The following FSTL4 variants were observed in gnomAD, a reference collection of about 807,000 sequenced individuals.
The protein encoded by FSTL4 is follistatin like 4.
In FSTL4, 28 loss-of-function variants were observed where a neutral mutation model predicts 78.2. That is an observed-to-expected ratio of 0.36 (90% CI 0.27 to 0.49). The LOEUF (loss-of-function observed/expected upper bound fraction) is 0.49, where lower values mean the gene tolerates loss of function less well. Ranked by LOEUF, FSTL4 falls within the 20% of genes least tolerant of loss-of-function variation. The pLI is 0.98. For synonymous variants in FSTL4, 422 were observed against 440.5 expected, an observed-to-expected ratio of 0.96 and a Z score of 0.53; for missense variants, 922 against 1,084.9, an observed-to-expected ratio of 0.85 and a Z score of 2.11.
chr5:133,386,556 T>C (rs1034434288), intron 4 of FSTL4, among the ~76,000 whole-genome samples: 1 of 152,240 alleles, frequency 6.6e-6, no homozygotes, highest in Non-Finnish European at 1.5e-5. Flanking sequence ...GTCTTCCTGA[T>C]ACCCACAGTT....
At chr5:133,435,287 A>T (rs1172214852) in intron 3 of FSTL4, among the ~76,000 whole-genome samples, 2 of 152,238 alleles carry the variant, frequency 1.3e-5, no homozygotes, top group Non-Finnish European at 2.9e-5. Context: ...CACCAGTCTC[A>T]CAAAATACTC....
At chr5:133,218,966 G>T (rs185885696) in intron 12 of FSTL4, among the ~76,000 whole-genome samples, 3 of 152,336 alleles carry the variant, frequency 2.0e-5, no homozygotes, top group Admixed American at 2.0e-4. Flanking sequence ...TGCTTAAAAT[G>T]TATTTGCTGA....
At chr5:133,283,828 C>T (rs998687990) in intron 6 of FSTL4, among the ~76,000 whole-genome samples, 15 of 152,178 alleles carry the variant, frequency 9.9e-5, no homozygotes, top group African/African-American at 3.6e-4. Context: ...TTCACAGTTC[C>T]TCAGGCTGTA....
At chr5:133,696,200 C>G in the FSTL4 span, among the ~76,000 whole-genome samples, 1 of 152,234 alleles carries the variant, frequency 6.6e-6, no homozygotes, top group African/African-American at 2.4e-5. Flanking sequence ...CTCCTGACTT[C>G]CATATTGACC....
intron 6 of FSTL4, among the ~76,000 whole-genome samples, chr5:133,310,160 G>C (rs1368959616): frequency 1.3e-5 from 2 of 151,724 alleles, no homozygotes; most frequent in African/African-American, 4.9e-5. Flanking sequence ...CTTTATAGTG[G>C]GGGTTAACTC....
the FSTL4 span, among the ~76,000 whole-genome samples, chr5:133,707,436 A>G: frequency 6.6e-6 from 1 of 152,204 alleles, no homozygotes; most frequent in East Asian, 1.9e-4. Flanking sequence ...TCTGGGACCT[A>G]AATGCAACAA....
the FSTL4 span, among the ~76,000 whole-genome samples, chr5:133,798,064 T>C: frequency 1.3e-5 from 2 of 152,216 alleles, no homozygotes; most frequent in Admixed American, 1.3e-4. Context: ...CACCTATAGC[T>C]GAGCCAAAGC....
chr5:133,811,516 A>G, the FSTL4 span, among the ~76,000 whole-genome samples: 1 of 152,108 alleles, frequency 6.6e-6, no homozygotes, highest in Non-Finnish European at 1.5e-5. Flanking sequence ...TGTCTTACAC[A>G]CCCAACCCTG....
At chr5:133,783,407 A>T in the FSTL4 span, among the ~76,000 whole-genome samples, 3 of 152,158 alleles carry the variant, frequency 2.0e-5, no homozygotes, top group African/African-American at 7.2e-5. Context: ...TATTAATAAC[A>T]CCTTTCCCTC....
At chr5:133,331,271 G>C (rs1304272659) in intron 4 of FSTL4, among the ~76,000 whole-genome samples, 1 of 152,176 alleles carries the variant, frequency 6.6e-6, no homozygotes, top group Admixed American at 6.5e-5. Flanking sequence ...CAGTTTCTGA[G>C]CGGGCGTCTC....
intron 3 of FSTL4, among the ~76,000 whole-genome samples, chr5:133,404,172 G>C (rs898757849): frequency 6.6e-6 from 1 of 152,242 alleles, no homozygotes; most frequent in Non-Finnish European, 1.5e-5. Context: ...ACAGAGGGCT[G>C]AGGATACCCC....
At chr5:133,754,519 T>C in the FSTL4 span, among the ~76,000 whole-genome samples, 2 of 152,162 alleles carry the variant, frequency 1.3e-5, no homozygotes, top group African/African-American at 4.8e-5. Context: ...CCCTGTATAG[T>C]TTACACAAAA....
chr5:133,603,580 T>C (rs943527479), intron 2 of FSTL4, among the ~76,000 whole-genome samples: 1 of 152,252 alleles, frequency 6.6e-6, no homozygotes, highest in Non-Finnish European at 1.5e-5. Flanking sequence ...GCCATTCTCC[T>C]GAGGGTCTTT....
At chr5:133,227,361 C>A (rs1457974165) in intron 8 of FSTL4, among the ~76,000 whole-genome samples, 2 of 152,182 alleles carry the variant, frequency 1.3e-5, no homozygotes, top group African/African-American at 4.8e-5. Context: ...AAATGTGTAG[C>A]TCTCTTCTCT....
At chr5:133,370,198 G>C (rs983425788) in intron 4 of FSTL4, among the ~76,000 whole-genome samples, 1 of 152,154 alleles carries the variant, frequency 6.6e-6, no homozygotes, top group African/African-American at 2.4e-5. Context: ...GAGTTCTCCA[G>C]GGCAGAAGAG....
At chr5:133,254,219 G>C (rs998252631) in intron 6 of FSTL4, among the ~76,000 whole-genome samples, 1 of 152,208 alleles carries the variant, frequency 6.6e-6, no homozygotes, top group East Asian at 1.9e-4. Flanking sequence ...CAGGGCCTTC[G>C]ACAGTGGCAT....
chr5:133,411,443 A>C (rs897862258), intron 3 of FSTL4, among the ~76,000 whole-genome samples: 2 of 152,224 alleles, frequency 1.3e-5, no homozygotes, highest in Non-Finnish European at 2.9e-5. Flanking sequence ...CAAGTCTTCC[A>C]AGGTTAAGAA....
At chr5:133,699,180 C>G in the FSTL4 span, among the ~76,000 whole-genome samples, 3 of 152,096 alleles carry the variant, frequency 2.0e-5, no homozygotes, top group African/African-American at 7.2e-5. Context: ...GTGCCCTCAC[C>G]ATGAGACTTG....
At chr5:133,778,072 T>C in the FSTL4 span, among the ~76,000 whole-genome samples, 1,277 of 152,322 alleles carry the variant, frequency 8.4e-3, 10 homozygotes, top group Middle Eastern at 0.027. Flanking sequence ...CCCAAGGCTC[T>C]AGAGGTGGGG....
Sources: allele counts gnomAD v4.1 joint callset (sites outside exome capture counted in the v4.1 genomes callset), GRCh38; gene constraint gnomAD v4.1.1; transcripts MANE v1.5; gene names NCBI Gene and HGNC (gene_info 2026-07-23, HGNC 2026-07-21).